DNER: variants seen among roughly 807,000 people sequenced by gnomAD.
The protein encoded by DNER is delta/notch like EGF repeat containing, also known as delta and Notch-like epidermal growth factor-related receptor.
In DNER, 33 loss-of-function variants were observed where a neutral mutation model predicts 78.2. The observed-to-expected ratio is 0.42, with a 90% CI of 0.32 to 0.56. The LOEUF is 0.56. Among genes scored for constraint, DNER ranks in the 20% least tolerant of loss-of-function variants. The pLI, the probability that DNER is intolerant of heterozygous loss-of-function variation, is 0.11. For synonymous variants in DNER, 417 were observed against 384.8 expected (o/e 1.08, Z -0.98); for missense variants, 918 against 975.3 (o/e 0.94, Z 0.78).
Position 229,511,447 on chromosome 2 carries a change from C to T in DNER, c.1147+1336G>A, listed in dbSNP as rs758334408. On this transcript the variant is annotated intron_variant, in intron 6 of 12. Transcript: ENST00000341772. ...GATGATTGTCAGAGCATGAAGTCTA[C>T]AGCAACACTGTCCACTGCACTCTCC... 2.7e-4 allele frequency among the ~76,000 whole-genome samples: 41 copies of T among 152,188 alleles called. 1 individual carries two copies. The highest frequency in any genetic ancestry group is 1.4e-3 in the Admixed American group (22 of 15,278).
At chr2:229,578,565 G>A (rs1272836835) in intron 4 of DNER, among the ~76,000 whole-genome samples, 1 of 152,126 alleles carries the variant, frequency 6.6e-6, no homozygotes, top group East Asian at 1.9e-4. Context: ...AAGCTGAGAT[G>A]TTAGCAACAT....
At chr2:229,370,089 C>T (rs1284460618) in intron 11 of DNER, among the ~76,000 whole-genome samples, 2 of 152,180 alleles carry the variant, frequency 1.3e-5, no homozygotes, top group African/African-American at 4.8e-5. Flanking sequence ...TGGATACTCA[C>T]ACCTTCATCT....
At chr2:229,625,110 T>C (rs1298273622) in intron 1 of DNER, among the ~76,000 whole-genome samples, 1 of 152,160 alleles carries the variant, frequency 6.6e-6, no homozygotes, top group Non-Finnish European at 1.5e-5. Context: ...TTCTTTAAAA[T>C]AAACCCCTAA....
At chr2:229,444,516 A>T (rs1694300085) in intron 8 of DNER, among the ~76,000 whole-genome samples, 1 of 151,198 alleles carries the variant, frequency 6.6e-6, no homozygotes, top group African/African-American at 2.4e-5. Flanking sequence ...GTGTTGAAAA[A>T]CTCTATTTGG....
chr2:229,506,582 CA>C (rs2154212131), intron 6 of DNER, among the ~76,000 whole-genome samples: 2 of 148,850 alleles, frequency 1.3e-5, no homozygotes, highest in South Asian at 4.3e-4. Flanking sequence ...AGGTTAGTTA[CA>C]TATGTGTACA....
intron 8 of DNER, among the ~76,000 whole-genome samples, chr2:229,423,601 C>T (rs1283434030): frequency 2.8e-5 from 4 of 140,430 alleles, no homozygotes; most frequent in Middle Eastern, 3.6e-3. Flanking sequence ...GGAGATAGAG[C>T]GAGACTACAT....
Position 229,396,025 on chromosome 2 carries a change from T to C in DNER, c.1724-7629A>G, listed in dbSNP as rs151182301. ...CAGCCTAAGTTCTCTGCCTTTGAGA[T>C]GTAAATTTCCTACCTTGTTTCACCT... On this transcript the variant is annotated intron_variant, in intron 10 of 12. Transcript: ENST00000341772. Among the ~76,000 whole-genome samples, 347 of 152,308 alleles carry C rather than the reference T, an allele frequency of 2.3e-3. 5 individuals carry two copies. The highest frequency in any genetic ancestry group is 7.7e-3 in the African/African-American group (318 of 41,566).
chr2:229,401,312 T>C (rs979882507), intron 10 of DNER, among the ~76,000 whole-genome samples: 2 of 152,102 alleles, frequency 1.3e-5, no homozygotes, highest in African/African-American at 4.8e-5. Context: ...GACCCAGCAA[T>C]TGAATTTCTG....
chr2:229,481,446 G>A (rs141100327), intron 6 of DNER, among the ~76,000 whole-genome samples: 269 of 152,240 alleles, frequency 1.8e-3, no homozygotes, highest in Non-Finnish European at 3.5e-3. Flanking sequence ...AAATACCAGC[G>A]AGTGACTCCT....
intron 1 of DNER, among the ~76,000 whole-genome samples, chr2:229,640,854 T>C (rs1274708277): frequency 6.6e-6 from 1 of 152,104 alleles, no homozygotes; most frequent in Admixed American, 6.5e-5. Flanking sequence ...ATAGAAAAGG[T>C]CAACACCTGA....
intron 3 of DNER, 140 bp from the exon 4 acceptor site, chr2:229,586,164 G>C: frequency 9.5e-7 from 1 of 1,047,386 alleles, no homozygotes; most frequent in Non-Finnish European, 1.3e-6. Flanking sequence ...AAACAGATAC[G>C]CGGGCGTCCA....
At chr2:229,625,922 TTTTTG>T (rs1698333511) in intron 1 of DNER, among the ~76,000 whole-genome samples, 1 of 150,354 alleles carries the variant, frequency 6.7e-6, no homozygotes, top group Non-Finnish European at 1.5e-5. Flanking sequence ...TGTTGTTTGT[TTTTTG>T]TTTTTTTTTT....
At chr2:229,590,044 AT>A (rs10532742) in intron 2 of DNER, among the ~76,000 whole-genome samples, 3,201 of 151,236 alleles carry the variant, frequency 0.021, 123 homozygotes, top group African/African-American at 0.073. Flanking sequence ...GCAAAAATCT[AT>A]TTTTTTTTTT....
intron 6 of DNER, among the ~76,000 whole-genome samples, chr2:229,500,004 G>A (rs1432039375): frequency 6.7e-5 from 10 of 150,070 alleles, no homozygotes; most frequent in South Asian, 2.1e-4. Context: ...GCACAATCTC[G>A]GTCACTGCAA....
chr2:229,440,346 G>A (rs1694205572), intron 8 of DNER, among the ~76,000 whole-genome samples: 1 of 152,148 alleles, frequency 6.6e-6, no homozygotes, highest in Non-Finnish European at 1.5e-5. Context: ...GTCTAGTGGA[G>A]CCTGACTCAG....
At chr2:229,696,711 G>T (rs1307887028) in intron 1 of DNER, among the ~76,000 whole-genome samples, 1 of 152,212 alleles carries the variant, frequency 6.6e-6, no homozygotes, top group African/African-American at 2.4e-5. Flanking sequence ...GGTACAGGAG[G>T]CTGGGCCTTA....
At chr2:229,372,136 G>C (rs1241716941) in intron 11 of DNER, among the ~76,000 whole-genome samples, 1 of 152,236 alleles carries the variant, frequency 6.6e-6, no homozygotes. Context: ...CTATGTGCCA[G>C]GCACAGTGCT....
chr2:229,534,848 T>A (rs911481999), intron 5 of DNER, among the ~76,000 whole-genome samples: 18 of 152,192 alleles, frequency 1.2e-4, no homozygotes, highest in African/African-American at 4.1e-4. Context: ...TCTTTTTTTT[T>A]ATTTTGAGAT....
At chr2:229,525,452 T>C (rs1367901694) in intron 5 of DNER, among the ~76,000 whole-genome samples, 1 of 152,200 alleles carries the variant, frequency 6.6e-6, no homozygotes, top group African/African-American at 2.4e-5. Context: ...AATAATAATA[T>C]ACACTTAAAT....
Sources: allele counts gnomAD v4.1 joint callset (sites outside exome capture counted in the v4.1 genomes callset), GRCh38; gene constraint gnomAD v4.1.1; transcripts MANE v1.5; gene names NCBI Gene and HGNC (gene_info 2026-07-23, HGNC 2026-07-21).